SLC25A21: variants seen among roughly 807,000 people sequenced by gnomAD.
The protein encoded by SLC25A21 is solute carrier family 25 member 21, also known as mitochondrial 2-oxodicarboxylate carrier.
Under a neutral mutation model 43.8 loss-of-function variants are expected in SLC25A21, and 47 were observed. That is an observed-to-expected ratio of 1.07 (90% confidence interval 0.85 to 1.37). The LOEUF is 1.37. SLC25A21 is among the 40% of genes most tolerant of loss of function. The probability of loss-of-function intolerance (pLI) is 0.00; values close to 1 mark genes in which losing one functional copy is unlikely to be tolerated. For synonymous variants in SLC25A21, 131 were observed against 121.3 expected, an observed-to-expected ratio of 1.08 and a Z score of -0.52; for missense variants, 352 against 350.2, an observed-to-expected ratio of 1.00 and a Z score of -0.04.
chr14:37,135,934 T>C lies in SLC25A21; in HGVS notation c.70+36347A>G, dbSNP rs78150710. 3.1e-3 allele frequency among the ~76,000 whole-genome samples: 471 copies of C among 152,332 alleles called. 1 individual carries two copies. Among genetic ancestry groups the C allele is most frequent in the African/African-American group, 0.011 (439 of 41,574 alleles). On this transcript the variant is annotated intron_variant, in intron 1 of 9. Transcript: ENST00000331299. ...CATAGTAAGTGCTCAATAAATGGTA[T>C]GTATTATGATAGTAACTATTATTAT...
At chr14:36,991,572 G>A (rs1960264389) in intron 1 of SLC25A21, among the ~76,000 whole-genome samples, 2 of 152,208 alleles carry the variant, frequency 1.3e-5, no homozygotes, top group Non-Finnish European at 2.9e-5. Flanking sequence ...GCATTCACAA[G>A]AACCTGAGAA....
intron 1 of SLC25A21, among the ~76,000 whole-genome samples, chr14:37,046,251 G>A (rs1961583475): frequency 6.6e-6 from 1 of 152,146 alleles, no homozygotes; most frequent in Non-Finnish European, 1.5e-5. Flanking sequence ...CTAGTGCTAT[G>A]AGGGGAAGGA....
At chr14:36,959,194 C>T (rs1371468017) in intron 1 of SLC25A21, among the ~76,000 whole-genome samples, 1 of 152,144 alleles carries the variant, frequency 6.6e-6, no homozygotes, top group Non-Finnish European at 1.5e-5. Flanking sequence ...CACACTGCTC[C>T]CTTCTCTGCC....
chr14:37,086,972 C>A (rs914171178), intron 1 of SLC25A21, among the ~76,000 whole-genome samples: 1 of 152,146 alleles, frequency 6.6e-6, no homozygotes, highest in Non-Finnish European at 1.5e-5. Flanking sequence ...AAAGAAATGA[C>A]TTTGTGAGGG....
At chr14:37,072,087 C>A (rs760298927) in intron 1 of SLC25A21, among the ~76,000 whole-genome samples, 1 of 143,086 alleles carries the variant, frequency 7.0e-6, no homozygotes, top group Non-Finnish European at 1.5e-5. Flanking sequence ...GAGGCCGAAG[C>A]AAGAGAATCA....
At chr14:37,100,995 C>T (rs767392145) in intron 1 of SLC25A21, among the ~76,000 whole-genome samples, 2 of 152,024 alleles carry the variant, frequency 1.3e-5, no homozygotes, top group Non-Finnish European at 2.9e-5. Context: ...CGCTGACAGC[C>T]GACTTACCTA....
intron 7 of SLC25A21, among the ~76,000 whole-genome samples, chr14:36,685,413 G>C (rs1041762619): frequency 5.9e-5 from 9 of 152,158 alleles, no homozygotes; most frequent in African/African-American, 2.2e-4. Context: ...TGCCCGCCAG[G>C]TTTTTTGCAT....
chr14:36,998,743 C>T (rs1248966310), intron 1 of SLC25A21, among the ~76,000 whole-genome samples: 1 of 150,928 alleles, frequency 6.6e-6, no homozygotes, highest in Non-Finnish European at 1.5e-5. Context: ...GGGCCAAAGA[C>T]CTTAACAGAC....
intron 4 of SLC25A21, among the ~76,000 whole-genome samples, chr14:36,733,689 G>T (rs1473013299): frequency 2.0e-5 from 3 of 152,162 alleles, no homozygotes; most frequent in Non-Finnish European, 2.9e-5. Context: ...TATGTTGCTT[G>T]GAAAGTAAGT....
chr14:36,879,262 C>G (rs960050213), intron 1 of SLC25A21, among the ~76,000 whole-genome samples: 1 of 152,106 alleles, frequency 6.6e-6, no homozygotes, highest in Non-Finnish European at 1.5e-5. Flanking sequence ...TCTCAAATAA[C>G]ATACTACATT....
At chr14:37,006,799 G>A (rs1960614255) in intron 1 of SLC25A21, among the ~76,000 whole-genome samples, 1 of 152,116 alleles carries the variant, frequency 6.6e-6, no homozygotes, top group South Asian at 2.1e-4. Flanking sequence ...AAGTGATGGA[G>A]ATTTAGAAGC....
intron 1 of SLC25A21, among the ~76,000 whole-genome samples, chr14:37,095,817 C>A (rs995628949): frequency 6.7e-5 from 2 of 29,872 alleles, no homozygotes; most frequent in Admixed American, 7.7e-4. Flanking sequence ...CACACGCGCA[C>A]GCACACACAC....
intron 1 of SLC25A21, among the ~76,000 whole-genome samples, chr14:36,901,261 T>G (rs1200274421): frequency 6.6e-6 from 1 of 152,212 alleles, no homozygotes; most frequent in Non-Finnish European, 1.5e-5. Flanking sequence ...TGAGACAATC[T>G]TTTTATATAA....
chr14:36,758,590 CAA>C (rs11314165), intron 3 of SLC25A21, among the ~76,000 whole-genome samples: 322 of 127,628 alleles, frequency 2.5e-3, no homozygotes, highest in Middle Eastern at 4.3e-3. Context: ...TCAGCCAGGT[CAA>C]AAAAAAAAAA....
intron 6 of SLC25A21, among the ~76,000 whole-genome samples, chr14:36,715,809 C>G (rs1342460669): frequency 6.6e-6 from 1 of 152,120 alleles, no homozygotes; most frequent in Non-Finnish European, 1.5e-5. Flanking sequence ...AAAGCAGATC[C>G]TTGGCTGGGC....
intron 3 of SLC25A21, among the ~76,000 whole-genome samples, chr14:36,763,433 G>GA (rs771654868): frequency 2.2e-4 from 34 of 152,208 alleles, no homozygotes; most frequent in East Asian, 1.9e-4. Flanking sequence ...CACTGGGAGG[G>GA]AGAGGATATT....
rs1356714425 is a variant in SLC25A21 at position 36,757,058 on chromosome 14, AG to A, written c.204-22486del. On this transcript the variant is annotated intron_variant, in intron 3 of 9. Transcript: ENST00000331299. Reference sequence around the variant, plus strand: ...CACTTGAGCCCAAGGGTTCAAGACCAGCCTGGGCAATATGGCAAAACCCCAT... The same window carrying A: ...CACTTGAGCCCAAGGGTTCAAGACCACCTGGGCAATATGGCAAAACCCCAT... Among the ~76,000 whole-genome samples the A allele has an allele frequency of 3.4e-5, 5 of 148,902 alleles. No homozygotes were observed. The Admixed American group carries it at 3.4e-4, about 10-fold the overall frequency.
chr14:36,779,047 A>G (rs115752909), intron 3 of SLC25A21, among the ~76,000 whole-genome samples: 1,999 of 151,954 alleles, frequency 0.013, 45 homozygotes, highest in African/African-American at 0.045. Flanking sequence ...AAGATTCCAC[A>G]TATAAGTGAG....
At chr14:36,897,344 T>C (rs910560982) in intron 1 of SLC25A21, among the ~76,000 whole-genome samples, 2 of 152,230 alleles carry the variant, frequency 1.3e-5, no homozygotes, top group Non-Finnish European at 2.9e-5. Flanking sequence ...CTACTGAGGC[T>C]TGTGCATTCG....
Sources: gnomAD v4.1 joint callset for allele counts (sites outside exome capture counted in the v4.1 genomes callset) on GRCh38, gnomAD v4.1.1 for gene constraint, MANE v1.5 for transcripts, NCBI Gene and HGNC (gene_info 2026-07-23, HGNC 2026-07-21) for gene names.